SLC36A1: variants seen among roughly 807,000 people sequenced by gnomAD.
SLC36A1 encodes proton-coupled amino acid transporter 1.
Under a neutral mutation model 47.5 loss-of-function variants are expected in SLC36A1, and 30 were observed. The ratio of observed to expected loss-of-function variants is 0.63; its 90% CI spans 0.47 to 0.86. The LOEUF is 0.86. Among genes scored for constraint, SLC36A1 ranks in the 40% least tolerant of loss-of-function variants. The pLI, the probability that SLC36A1 is intolerant of heterozygous loss-of-function variation, is 0.00. For missense variants in SLC36A1, 517 were observed against 606.0 expected (o/e 0.85, Z 1.54); for synonymous variants, 255 against 249.7 (o/e 1.02, Z -0.20).
chr5:151,542,803 G>T, the SLC36A1 span: 2 of 1,614,200 alleles, frequency 1.2e-6, no homozygotes. Flanking sequence ...CACCACATCA[G>T]TGTTCTGAAG....
At chr5:151,373,688 A>G in the SLC36A1 span, among the ~76,000 whole-genome samples, 4 of 152,242 alleles carry the variant, frequency 2.6e-5, no homozygotes, top group African/African-American at 7.2e-5. Flanking sequence ...AGAAATGACA[A>G]TCTTTGGAGA....
At chr5:151,396,089 C>T in the SLC36A1 span, among the ~76,000 whole-genome samples, 91 of 151,932 alleles carry the variant, frequency 6.0e-4, no homozygotes, top group African/African-American at 1.4e-3. Context: ...GGATTACAGG[C>T]GTGAGCCACT....
chr5:151,540,887 T>A, the SLC36A1 span: 1 of 847,838 alleles, frequency 1.2e-6, no homozygotes, highest in Non-Finnish European at 1.7e-6. Flanking sequence ...TTTCCTTCCT[T>A]AACTAGGAAC....
the SLC36A1 span, among the ~76,000 whole-genome samples, chr5:151,520,615 C>T: frequency 0.019 from 2,889 of 152,222 alleles, 102 homozygotes; most frequent in African/African-American, 0.066. Flanking sequence ...ATAACTCTTA[C>T]GTAATTTCCC....
chr5:151,487,462 C>T (rs549305738), intron 10 of SLC36A1, among the ~76,000 whole-genome samples: 1 of 152,112 alleles, frequency 6.6e-6, no homozygotes, highest in South Asian at 2.1e-4. Context: ...TGCTTTTTTT[C>T]ACCTGTATCA....
chr5:151,538,010 AGAGT>A, the SLC36A1 span: 1 of 1,483,630 alleles, frequency 6.7e-7, no homozygotes, highest in Non-Finnish European at 9.2e-7. Flanking sequence ...AGAGAGAAGC[AGAGT>A]GACTGACTGA....
intron 2 of SLC36A1, among the ~76,000 whole-genome samples, chr5:151,460,952 T>C (rs181099691): frequency 6.6e-6 from 1 of 151,364 alleles, no homozygotes; most frequent in Non-Finnish European, 1.5e-5. Context: ...GGGGTGCAAA[T>C]AGGAACCCCA....
the SLC36A1 span, chr5:151,531,493 G>T: frequency 6.6e-7 from 1 of 1,511,308 alleles, no homozygotes; most frequent in Middle Eastern, 2.4e-4. This position sits in a 1 kb window ranked among gnomAD's most constrained non-coding sequence, Gnocchi z 5.7. Context: ...TCTGGGAGGC[G>T]CTGCACAGGG....
At chr5:151,372,752 T>C in the SLC36A1 span, among the ~76,000 whole-genome samples, 1 of 152,214 alleles carries the variant, frequency 6.6e-6, no homozygotes, top group African/African-American at 2.4e-5. Flanking sequence ...AGAATTCTTT[T>C]GATAAAGTTA....
At chr5:151,374,315 G>T in the SLC36A1 span, among the ~76,000 whole-genome samples, 302 of 152,310 alleles carry the variant, frequency 2.0e-3, 3 homozygotes, top group African/African-American at 6.9e-3. Context: ...GCCTCAGGCC[G>T]CCTGCACCCA....
chr5:151,372,891 ATG>A, the SLC36A1 span, among the ~76,000 whole-genome samples: 9 of 152,198 alleles, frequency 5.9e-5, no homozygotes, highest in African/African-American at 2.2e-4. Flanking sequence ...CTGTGGGACA[ATG>A]TCAAACTGTT....
At position 151,439,640 on chromosome 5, in the gene SLC36A1, G is replaced by A. The variant is rs559039264; in HGVS notation, c.-6+2461G>A. Reference sequence around the variant, plus strand: ...TGCACTCCAGCCAGGGCAACAGAGTGAGACTCCATCTCAAAAAAAAAAGAA... The same window carrying A: ...TGCACTCCAGCCAGGGCAACAGAGTAAGACTCCATCTCAAAAAAAAAAGAA... On this transcript the variant is annotated intron_variant, in intron 1 of 8. Transcript: ENST00000429484. Among the ~76,000 whole-genome samples the A allele has an allele frequency of 1.0e-3, 147 of 147,722 alleles. 1 individual carries two copies. The highest frequency in any genetic ancestry group is 3.6e-3 in the African/African-American group (142 of 39,972).
At chr5:151,487,904 C>T (rs148162124) in intron 10 of SLC36A1, 79 bp from the exon 11 acceptor site, 1 of 1,509,632 alleles carries the variant, frequency 6.6e-7, no homozygotes, top group African/African-American at 1.4e-5. Context: ...TGGACAGATG[C>T]TGAATTCGCT....
At chr5:151,499,039 C>A in the SLC36A1 span, among the ~76,000 whole-genome samples, 3 of 152,186 alleles carry the variant, frequency 2.0e-5, no homozygotes, top group Non-Finnish European at 4.4e-5. Flanking sequence ...TATCTGAAAT[C>A]TTTGGTTACT....
chr5:151,390,749 C>T, the SLC36A1 span, among the ~76,000 whole-genome samples: 1 of 152,196 alleles, frequency 6.6e-6, no homozygotes, highest in Non-Finnish European at 1.5e-5. Flanking sequence ...GGGCTCTGTT[C>T]TGTTCCATTG....
chr5:151,464,767 C>G (rs903730318), intron 4 of SLC36A1, among the ~76,000 whole-genome samples, 165 bp downstream of exon 4: 10 of 152,170 alleles, frequency 6.6e-5, no homozygotes, highest in Non-Finnish European at 1.0e-4. Flanking sequence ...TTTTTGCGTT[C>G]TTTTCTGGCT....
chr5:151,434,744 T>G (rs1759669685), upstream of SLC36A1, among the ~76,000 whole-genome samples: 1 of 152,120 alleles, frequency 6.6e-6, no homozygotes, highest in African/African-American at 2.4e-5. Context: ...ATGAGAGAGT[T>G]TGTGTCCTCT....
the SLC36A1 span, among the ~76,000 whole-genome samples, chr5:151,537,274 T>TGGA: frequency 2.2e-5 from 3 of 134,334 alleles, no homozygotes; most frequent in South Asian, 2.4e-4. Flanking sequence ...ACGATGGTGG[T>TGGA]GGTGGAGGAG....
the SLC36A1 span, among the ~76,000 whole-genome samples, chr5:151,533,366 T>C: frequency 6.6e-6 from 1 of 150,718 alleles, no homozygotes; most frequent in Admixed American, 6.7e-5. Flanking sequence ...CTCAAGCAAG[T>C]CTATTCCACT....
Sources: allele counts gnomAD v4.1 joint callset (sites outside exome capture counted in the v4.1 genomes callset), GRCh38; gene constraint gnomAD v4.1.1; non-coding constraint Gnocchi (gnomAD v3.1); transcripts MANE v1.5; gene names NCBI Gene and HGNC (gene_info 2026-07-23, HGNC 2026-07-21).